The following ZFPM1 variants were observed in gnomAD, a reference collection of about 807,000 sequenced individuals.
ZFPM1 encodes the protein zinc finger protein, FOG family member 1.
Under a neutral mutation model 46.3 loss-of-function variants are expected in ZFPM1, and 28 were observed. The observed-to-expected ratio is 0.60, with a 90% confidence interval of 0.45 to 0.83. The LOEUF (loss-of-function observed/expected upper bound fraction) is 0.83, where lower values mean the gene tolerates loss of function less well. ZFPM1 is among the 40% of genes least tolerant of loss of function. The pLI is 0.00. For missense variants in ZFPM1, 1,878 were observed against 1,432.4 expected (o/e 1.31, Z -5.02); for synonymous variants, 957 against 675.9 (o/e 1.42, Z -6.45).
In ZFPM1 at chr16:88,528,102, C is replaced by T. The variant is rs1597284428; in HGVS notation, c.576C>T (p.Ala192=). 9 of 1,581,196 alleles carry T rather than the reference C, an allele frequency of 5.7e-6. No individual in the cohort carries two copies. Among genetic ancestry groups the T allele is most frequent in the African/African-American group, 1.3e-5 (1 of 74,282 alleles). The change falls in exon 6 of 10, where the codon GCC becomes GCT. Residue 192 remains alanine, a synonymous_variant. Transcript: ENST00000319555. ...GACTCCTGAGCGTGCTCCTCACGGC[C>T]GAGCCCCACAGCACCCCCGGCCACC... The part of the protein sequence containing the change: ...AGGLLSVLLT[A]EPHSTPGHPV...
rs12444238 is a variant in ZFPM1 at position 88,473,531 on chromosome 16, C to T, written c.41-12408C>T. Among the ~76,000 whole-genome samples, 1,290 of 152,302 alleles carry T rather than the reference C, an allele frequency of 8.5e-3. 12 individuals are homozygous for T. Among genetic ancestry groups the T allele is most frequent in the Non-Finnish European group, 0.014 (937 of 68,002 alleles). ...CCGCTGCCCCGGGGTCTGGGTGCTGCGCCCCACTTCTCCCATGGCCGGGCC... is the reference window on the plus strand; with the variant it reads ...CCGCTGCCCCGGGGTCTGGGTGCTGTGCCCCACTTCTCCCATGGCCGGGCC... On this transcript the variant is annotated intron_variant, in intron 1 of 9. Transcript: ENST00000319555.
At chr16:88,453,931 G>A (rs1907413461) in intron 1 of ZFPM1, among the ~76,000 whole-genome samples, 2 of 152,082 alleles carry the variant, frequency 1.3e-5, no homozygotes, top group Non-Finnish European at 2.9e-5. Flanking sequence ...GAGGGTGTTT[G>A]GGGGCGCGGC....
At chr16:88,506,500 G>T (rs1910667268) in intron 3 of ZFPM1, among the ~76,000 whole-genome samples, 1 of 152,026 alleles carries the variant, frequency 6.6e-6, no homozygotes. Context: ...AGGACTGAAT[G>T]GGGGCGGGCG....
intron 3 of ZFPM1, among the ~76,000 whole-genome samples, chr16:88,502,065 C>CCCCATTT (rs1245793542): frequency 1.4e-3 from 103 of 72,904 alleles, no homozygotes; most frequent in African/African-American, 4.5e-3. Flanking sequence ...CGCCCCCCCC[C>CCCCATTT]ATTTATTTAT....
At chr16:88,524,566 G>A (rs1239679570) in intron 4 of ZFPM1, among the ~76,000 whole-genome samples, 12 of 152,232 alleles carry the variant, frequency 7.9e-5, no homozygotes, top group East Asian at 5.8e-4. Flanking sequence ...CCCTGTGGAC[G>A]GCACCCCATG....
At chr16:88,521,795 CTCCCCTGTGCTGTTCCCTCCCCT>C (rs1911921174) in intron 4 of ZFPM1, among the ~76,000 whole-genome samples, 1 of 142,926 alleles carries the variant, frequency 7.0e-6, no homozygotes, top group African/African-American at 2.7e-5. Context: ...GTGCTGTTCC[CTCCCCTGTGCTGTTCCCTCCCCT>C]GTGCTGTTCC....
chr16:88,455,132 GGTGTGTGTGT>G (rs4047261), intron 1 of ZFPM1, among the ~76,000 whole-genome samples: 220 of 141,770 alleles, frequency 1.6e-3, no homozygotes, highest in African/African-American at 5.1e-3. Flanking sequence ...TCGGTTCTGG[GGTGTGTGTGT>G]GTGTGTGTGT....
rs1329148516 is a variant in ZFPM1 at position 88,534,082 on chromosome 16, G to C, written c.2124G>C (p.Ser708=). Reference sequence around the variant, plus strand: ...TGCACAAGCGGTACTACTGCGCCTCGCGCCACGACCCGCCGCCGCGCCGAC... The same window carrying C: ...TGCACAAGCGGTACTACTGCGCCTCCCGCCACGACCCGCCGCCGCGCCGAC... ...YTVHKRYYCA[S]RHDPPPRRPA... is the part of the protein sequence containing the mutation. The change falls in exon 10 of 10, where the codon TCG becomes TCC. Residue 708 remains serine (S), a synonymous_variant. Transcript: ENST00000319555. 8.2e-7 allele frequency: 1 copy of C among 1,224,664 alleles called. No homozygotes were observed. Among genetic ancestry groups the C allele is most frequent in the Non-Finnish European group, 1.0e-6 (1 of 959,782 alleles). 75.9% of individuals were successfully genotyped at this position (1,224,664 alleles called of 1,614,324 possible). A position where few individuals can be genotyped will look rare whatever the true frequency, so the allele number is the denominator to read the frequency against.
intron 6 of ZFPM1, among the ~76,000 whole-genome samples, chr16:88,529,921 G>C (rs1025865201): frequency 6.6e-6 from 1 of 152,168 alleles, no homozygotes; most frequent in Non-Finnish European, 1.5e-5. Context: ...TGGAGAGAAC[G>C]GGCCGAGCGG....
At chr16:88,481,697 G>T (rs527545000) in intron 1 of ZFPM1, among the ~76,000 whole-genome samples, 1 of 151,440 alleles carries the variant, frequency 6.6e-6, no homozygotes, top group Non-Finnish European at 1.5e-5. Flanking sequence ...TTTCCTGACC[G>T]CCCCTACCTG....
In ZFPM1 at chr16:88,534,971, G is replaced by C; in HGVS notation, c.3013G>C (p.Val1005Leu). ...YYCSSHAAEH[V>L]K ...CTGCTCCTCGCACGCCGCCGAGCAC[G>C]TGAAGTGAGCGCCCACACTACAGCC... is the stretch of plus-strand genomic sequence containing the variant. Residue 1005 changes from valine to leucine, a missense_variant, in exon 10 of 10, where the codon GTG (valine) becomes CTG (leucine). By Grantham distance (32) the Val-to-Leu change is conservative. Coordinates refer to ENST00000319555, the MANE Select transcript of ZFPM1 (RefSeq NM_153813.3). The C allele has an allele frequency of 6.9e-7, 1 of 1,448,352 alleles. No homozygotes were observed. The highest frequency in any genetic ancestry group is 2.2e-5 in the Admixed American group (1 of 46,334). 89.7% of individuals were successfully genotyped at this position (1,448,352 alleles called of 1,614,324 possible).
chr16:88,532,589 C>T (rs1307538791), intron 7 of ZFPM1, 25 bp from the exon 8 acceptor site: 1 of 1,548,770 alleles, frequency 6.5e-7, no homozygotes, highest in Non-Finnish European at 8.7e-7. Flanking sequence ...GCCCGGGCAC[C>T]GCTCTTACGC....
In ZFPM1 at chr16:88,532,712, A is replaced by G. The variant is rs1290160038; in HGVS notation, c.1042+3A>G. On this transcript the variant is annotated splice_donor_region_variant and intron_variant, in intron 8 of 9. Transcript: ENST00000319555. ...GGTGCACACGGACACGCTGAGCGGT[A>G]GGCACCGCAGGGGCCGGGGGGTGTG... is the stretch of plus-strand genomic sequence containing the variant. 13 of 1,611,808 alleles carry G rather than the reference A, an allele frequency of 8.1e-6. No individual in the cohort carries two copies. The highest frequency in any genetic ancestry group is 1.3e-5 in the African/African-American group (1 of 74,846).
chr16:88,455,209 A>G (rs1907490348), intron 1 of ZFPM1, among the ~76,000 whole-genome samples: 1 of 151,486 alleles, frequency 6.6e-6, no homozygotes, highest in Admixed American at 6.6e-5. Context: ...GATAGCTCGG[A>G]CAGGGAGATC....
chr16:88,502,083 T>C (rs958328790), intron 3 of ZFPM1, among the ~76,000 whole-genome samples: 11 of 146,628 alleles, frequency 7.5e-5, no homozygotes, highest in Admixed American at 5.5e-4. Context: ...TATTTATTTA[T>C]TTATTTATTT....
At chr16:88,516,674 G>C in intron 4 of ZFPM1, 1 of 398,478 alleles carries the variant, frequency 2.5e-6, no homozygotes, top group East Asian at 3.6e-5. Context: ...ATATTTTTGC[G>C]TCTCAGCGGG....
Position 88,536,610 on chromosome 16 carries a change from C to T in ZFPM1, c.*1631C>T, listed in dbSNP as rs932080666. On this transcript the variant is annotated 3_prime_UTR_variant, in exon 10 of 10. Transcript: ENST00000319555. ...CCCAGCCAGTCCAGGGCTCGCTCTC[C>T]TGCCCGCAGCTCGTGGGCCTGGGTC... 18 of 152,346 alleles carry T rather than the reference C, an allele frequency of 1.2e-4. No individual in the cohort carries two copies. The highest frequency in any genetic ancestry group is 1.2e-3 in the Admixed American group (18 of 15,284). The allele number at this position is 152,346 out of a possible 1,614,324, so 9.4% of individuals were successfully genotyped here.
chr16:88,533,317 C>G lies in ZFPM1; in HGVS notation c.1359C>G (p.Ser453Arg). The change falls in exon 10 of 10, where the codon AGC becomes AGG. Residue 453 changes from serine (S) to arginine (R), a missense_variant. Ser to Arg is a moderately radical substitution (Grantham distance 110, BLOSUM62 -1). Transcript: ENST00000319555. ...CTCTGGCCCAGAATGGAGGCAGCAG[C>G]GAGCCCCCGGCGGCCCCCAGGAGCA... ...AEPLAQNGGS[S>R]EPPAAPRSIK... 6.5e-7 allele frequency: 1 copy of G among 1,531,906 alleles called. No homozygotes were observed. 94.9% of individuals were successfully genotyped at this position (1,531,906 alleles called of 1,614,324 possible). A position where few individuals can be genotyped will look rare whatever the true frequency, so the allele number is the denominator to read the frequency against.
At chr16:88,460,453 A>G (rs1205100449) in intron 1 of ZFPM1, among the ~76,000 whole-genome samples, 4 of 152,116 alleles carry the variant, frequency 2.6e-5, no homozygotes, top group Non-Finnish European at 4.4e-5. Context: ...GGGCATACCC[A>G]TTTTTCAGAT....
Sources: gnomAD v4.1 joint callset for allele counts (sites outside exome capture counted in the v4.1 genomes callset) on GRCh38, gnomAD v4.1.1 for gene constraint, MANE v1.5 for transcripts, NCBI Gene and HGNC (gene_info 2026-07-23, HGNC 2026-07-21) for gene names.